TBC1D22B: variants seen among roughly 807,000 people sequenced by gnomAD.
TBC1D22B encodes chromosome 6 open reading frame 197.
TBC1D22B carries 32 observed loss-of-function variants against 69.1 expected under a neutral mutation model. The ratio of observed to expected loss-of-function variants is 0.46; its 90% CI spans 0.35 to 0.62. The LOEUF is 0.62. Ranked by LOEUF, TBC1D22B falls within the 20% of genes least tolerant of loss-of-function variation. TBC1D22B has a pLI of 0.00. For synonymous variants in TBC1D22B, 206 were observed against 229.8 expected (o/e 0.90, Z 0.94); for missense variants, 462 against 630.9 (o/e 0.73, Z 2.87).
In TBC1D22B at chr6:37,282,305, G is replaced by A. The variant is rs774954529; in HGVS notation, c.542G>A (p.Arg181Gln). The A allele has an allele frequency of 9.9e-6, 16 of 1,613,696 alleles. No homozygotes were observed. In the Admixed American group the frequency reaches 1.0e-4, roughly 10 times the overall value. Residue 181 changes from arginine to glutamine, a missense_variant, in exon 4 of 13, where the codon CGG becomes CAG. Arg to Gln is a conservative substitution (Grantham distance 43). Coordinates refer to ENST00000373491, the MANE Select transcript of TBC1D22B (RefSeq NM_017772.4). ...NASGAPPMTV[R>Q]EKTRLEKFRQ... The stretch of plus-strand genomic sequence containing the variant: ...TCTGGGGCCCCCCCAATGACTGTCC[G>A]GGAGAAAACCCGCCTAGAAAAATTC...
chr6:37,310,097 AT>A (rs1767856725), intron 8 of TBC1D22B, among the ~76,000 whole-genome samples: 1 of 146,606 alleles, frequency 6.8e-6, no homozygotes, highest in South Asian at 2.1e-4. Context: ...GTGAAATATA[AT>A]TTTATATATA....
intron 2 of TBC1D22B, among the ~76,000 whole-genome samples, chr6:37,269,987 A>T (rs1420828368): frequency 2.0e-5 from 3 of 152,176 alleles, no homozygotes. Flanking sequence ...TTTTAGCAGG[A>T]GATCTGGTTT....
intron 12 of TBC1D22B, among the ~76,000 whole-genome samples, chr6:37,320,211 T>C (rs1270903356): frequency 6.6e-6 from 1 of 152,178 alleles, no homozygotes; most frequent in Non-Finnish European, 1.5e-5. Flanking sequence ...CTGTCAAGGT[T>C]AGGGACTGTG....
chr6:37,269,639 G>A lies in TBC1D22B; in HGVS notation c.102G>A (p.Arg34=). 6.2e-7 allele frequency: 1 copy of A among 1,613,912 alleles called. No homozygotes were observed. Among genetic ancestry groups the A allele is most frequent in the Non-Finnish European group, 8.5e-7 (1 of 1,179,978 alleles). Residue 34 remains arginine (R), a synonymous_variant, in exon 2 of 13, where the codon CGG becomes CGA. Coordinates refer to ENST00000373491, the MANE Select transcript of TBC1D22B (RefSeq NM_017772.4). The part of the protein sequence containing the change: ...YGAQHPPLDP[R]LTKNFIKERS... Reference sequence around the variant, plus strand: ...CACAGCATCCTCCTCTTGACCCACGGCTCACCAAAAAGTAAGTCAAGACAT... The same window carrying A: ...CACAGCATCCTCCTCTTGACCCACGACTCACCAAAAAGTAAGTCAAGACAT...
chr6:37,282,978 A>C, intron 5 of TBC1D22B, 26 bp downstream of exon 5: 1 of 1,604,514 alleles, frequency 6.2e-7, no homozygotes, highest in Non-Finnish European at 8.5e-7. Flanking sequence ...TGTGTAGAGA[A>C]ATGTGAGCCT....
chr6:37,274,067 G>A (rs1393518886), intron 2 of TBC1D22B, among the ~76,000 whole-genome samples: 1 of 152,212 alleles, frequency 6.6e-6, no homozygotes, highest in Non-Finnish European at 1.5e-5. Context: ...GATAAAGCTA[G>A]TCTCATTGCT....
At chr6:37,297,929 G>A (rs1370533443) in intron 8 of TBC1D22B, among the ~76,000 whole-genome samples, 1 of 152,122 alleles carries the variant, frequency 6.6e-6, no homozygotes, top group East Asian at 1.9e-4. Context: ...ATCATTCTCA[G>A]CAAACTAACA....
rs1387680039 is a variant in TBC1D22B at position 37,291,293 on chromosome 6, G to T, written c.918G>T (p.Gly306=). 6.2e-7 allele frequency: 1 copy of T among 1,613,936 alleles called. No homozygotes were observed. Among genetic ancestry groups the T allele is most frequent in the Non-Finnish European group, 8.5e-7 (1 of 1,179,930 alleles). ...FIWAIRHPAS[G]YVQGINDLVT... ...GGGCCATCCGCCACCCTGCCAGTGG[G>T]TATGTCCAGGGAATTAATGACCTGG... Residue 306 remains glycine (G), a synonymous_variant, in exon 8 of 13, where the codon GGG becomes GGT. Transcript: ENST00000373491.
At chr6:37,326,769 C>T (rs962668492) in intron 12 of TBC1D22B, among the ~76,000 whole-genome samples, 3 of 150,876 alleles carry the variant, frequency 2.0e-5, no homozygotes, top group African/African-American at 5.0e-5. Flanking sequence ...GCCTGGGTGA[C>T]GGAGCGAGAC....
intron 12 of TBC1D22B, among the ~76,000 whole-genome samples, chr6:37,325,642 C>G (rs572346264): frequency 2.0e-5 from 3 of 148,660 alleles, no homozygotes; most frequent in South Asian, 2.1e-4. Flanking sequence ...CTCTGCCTCC[C>G]GGGTTCAAGC....
At chr6:37,285,442 G>A (rs1048331542) in intron 6 of TBC1D22B, among the ~76,000 whole-genome samples, 8 of 144,724 alleles carry the variant, frequency 5.5e-5, no homozygotes, top group East Asian at 2.2e-4. Context: ...CTCCTGCCTC[G>A]GCTTCCTGAG....
At chr6:37,309,219 GCCAGGACTTGAGCTCT>G (rs1366336125) in intron 8 of TBC1D22B, among the ~76,000 whole-genome samples, 1 of 152,192 alleles carries the variant, frequency 6.6e-6, no homozygotes, top group African/African-American at 2.4e-5. Context: ...GAATGACAGA[GCCAGGACTTGAGCTCT>G]GCAGCCTGGC....
rs1273202042 is a variant in TBC1D22B at position 37,291,360 on chromosome 6, A to G, written c.982+3A>G. ...CGTCTTCCTCTCAGAATATGTGGGT[A>G]AGAAGCATTAGTACCAAGCTGAACA... On this transcript the variant is annotated splice_donor_region_variant and intron_variant, in intron 8 of 12. Coordinates refer to ENST00000373491, the MANE Select transcript of TBC1D22B (RefSeq NM_017772.4). The G allele has an allele frequency of 6.3e-7, 1 of 1,594,984 alleles. No homozygotes were observed. The highest frequency in any genetic ancestry group is 1.7e-5 in the Admixed American group (1 of 58,508).
At chr6:37,269,922 G>T (rs1414260075) in intron 2 of TBC1D22B, among the ~76,000 whole-genome samples, 1 of 152,160 alleles carries the variant, frequency 6.6e-6, no homozygotes, top group Non-Finnish European at 1.5e-5. Context: ...TAGTCAAAAG[G>T]TCTTTATTGA....
At chr6:37,328,716 T>G (rs1276569846) in intron 12 of TBC1D22B, among the ~76,000 whole-genome samples, 1 of 152,172 alleles carries the variant, frequency 6.6e-6, no homozygotes, top group African/African-American at 2.4e-5. Flanking sequence ...TAATTTATTT[T>G]CTGTTTTTTT....
chr6:37,260,214 G>T (rs1766036104), intron 1 of TBC1D22B, among the ~76,000 whole-genome samples: 2 of 152,172 alleles, frequency 1.3e-5, no homozygotes, highest in Non-Finnish European at 2.9e-5. Context: ...TTTTGCATCT[G>T]TACTCTTTCG....
At chr6:37,271,665 A>G (rs1247776587) in intron 2 of TBC1D22B, among the ~76,000 whole-genome samples, 1 of 152,256 alleles carries the variant, frequency 6.6e-6, no homozygotes, top group East Asian at 1.9e-4. Context: ...GAATACCTAG[A>G]AGAATGCTAT....
intron 8 of TBC1D22B, among the ~76,000 whole-genome samples, chr6:37,299,069 C>T (rs1176226756): frequency 6.6e-6 from 1 of 152,162 alleles, no homozygotes; most frequent in African/African-American, 2.4e-5. Flanking sequence ...TTTTCCTCAC[C>T]TCCTTAGCAA....
chr6:37,292,495 T>C (rs1767219292), intron 8 of TBC1D22B, among the ~76,000 whole-genome samples: 1 of 152,144 alleles, frequency 6.6e-6, no homozygotes, highest in Admixed American at 6.5e-5. Flanking sequence ...CCCGCCTTAA[T>C]AGATCAACTT....
Sources: gnomAD v4.1 joint callset for allele counts (sites outside exome capture counted in the v4.1 genomes callset) on GRCh38, gnomAD v4.1.1 for gene constraint, MANE v1.5 for transcripts, NCBI Gene and HGNC (gene_info 2026-07-23, HGNC 2026-07-21) for gene names.